Variants in PARVA observed in about 807,000 individuals in gnomAD.
The protein encoded by PARVA is parvin alpha.
In PARVA, 25 loss-of-function variants were observed where a neutral mutation model predicts 52.6. The ratio of observed to expected loss-of-function variants is 0.48; its 90% CI spans 0.35 to 0.66. The LOEUF (loss-of-function observed/expected upper bound fraction) is 0.66. Ranked by LOEUF, PARVA falls within the 30% of genes least tolerant of loss-of-function variation. The pLI, the probability that PARVA is intolerant of heterozygous loss-of-function variation, is 0.01. For synonymous variants in PARVA, 185 were observed against 179.1 expected, an observed-to-expected ratio of 1.03 and a Z score of -0.26; for missense variants, 373 against 450.9, an observed-to-expected ratio of 0.83 and a Z score of 1.56.
At chr11:12,523,533 C>T (rs1471690543) in intron 12 of PARVA, among the ~76,000 whole-genome samples, 2 of 152,204 alleles carry the variant, frequency 1.3e-5, no homozygotes, top group Non-Finnish European at 2.9e-5. Context: ...GAGTTCCTCT[C>T]TTTCCTTTGG....
intron 1 of PARVA, among the ~76,000 whole-genome samples, chr11:12,428,349 AGAG>A (rs1940267694): frequency 6.6e-6 from 1 of 152,222 alleles, no homozygotes; most frequent in Non-Finnish European, 1.5e-5. Context: ...AGAGGAAAGA[AGAG>A]AAGACACAGC....
At chr11:12,378,046 C>G (rs141813134) in intron 1 of PARVA, among the ~76,000 whole-genome samples, 5,639 of 149,990 alleles carry the variant, frequency 0.038, 141 homozygotes, top group African/African-American at 0.08. Flanking sequence ...GGGGACCAGG[C>G]CAACGCCCCC....
At chr11:12,491,149 A>G (rs1171302886) in intron 4 of PARVA, among the ~76,000 whole-genome samples, 2 of 152,168 alleles carry the variant, frequency 1.3e-5, no homozygotes, top group Admixed American at 6.5e-5. Flanking sequence ...CTTGCCAAAT[A>G]CTATATACAA....
intron 1 of PARVA, among the ~76,000 whole-genome samples, chr11:12,435,444 C>G (rs1229195382): frequency 1.3e-5 from 2 of 152,212 alleles, no homozygotes; most frequent in Non-Finnish European, 2.9e-5. Context: ...GTGAAACACA[C>G]AGATGGGTGA....
chr11:12,483,875 A>G (rs1941122324), intron 4 of PARVA, among the ~76,000 whole-genome samples: 1 of 152,182 alleles, frequency 6.6e-6, no homozygotes. Flanking sequence ...GCCCTTTCCA[A>G]ACCTCAGAGC....
At chr11:12,441,474 G>A (rs973667474) in intron 1 of PARVA, among the ~76,000 whole-genome samples, 14 of 151,992 alleles carry the variant, frequency 9.2e-5, no homozygotes, top group Non-Finnish European at 1.5e-4. Context: ...GAATACATTC[G>A]GGGGTAATTG....
In PARVA at chr11:12,453,101, G is replaced by A. The variant is rs1205129938; in HGVS notation, c.137-20644G>A. The A allele has an allele frequency of 8.9e-6, 4 of 451,432 alleles. No homozygotes were observed. The East Asian group carries it at 2.8e-4, about 32-fold the overall frequency. 28.0% of individuals were successfully genotyped at this position (451,432 alleles called of 1,614,324 possible). Reference sequence around the variant, plus strand: ...GATTCTTTGTTGGGGGGGCGCCCTGGCCACCTCCCAGCTCGTCTCTGGGGT... The same window carrying A: ...GATTCTTTGTTGGGGGGGCGCCCTGACCACCTCCCAGCTCGTCTCTGGGGT... On this transcript the variant is annotated intron_variant, in intron 1 of 12. Coordinates refer to ENST00000334956, the MANE Select transcript of PARVA (RefSeq NM_018222.5).
intron 1 of PARVA, among the ~76,000 whole-genome samples, chr11:12,407,752 T>C (rs1589946068): frequency 6.6e-6 from 1 of 152,186 alleles, no homozygotes; most frequent in East Asian, 1.9e-4. Context: ...TGTACATGGC[T>C]CAGCCCTCTT....
chr11:12,510,156 A>G (rs1325304766), intron 7 of PARVA, among the ~76,000 whole-genome samples: 3 of 152,192 alleles, frequency 2.0e-5, no homozygotes, highest in Non-Finnish European at 4.4e-5. Context: ...TGAAGCCATG[A>G]TTACACCCCC....
chr11:12,501,805 G>A (rs1437085608), intron 5 of PARVA, among the ~76,000 whole-genome samples: 7 of 152,196 alleles, frequency 4.6e-5, no homozygotes, highest in Non-Finnish European at 1.0e-4. Flanking sequence ...GAATGAGTCT[G>A]ACATCTATAT....
chr11:12,518,309 G>A (rs1301275614), intron 11 of PARVA, 136 bp from the exon 12 acceptor site: 1 of 668,768 alleles, frequency 1.5e-6, no homozygotes, highest in Non-Finnish European at 2.7e-6. Flanking sequence ...GCCCATTTTG[G>A]TAGCCATATT....
intron 1 of PARVA, among the ~76,000 whole-genome samples, chr11:12,428,389 G>A (rs1478592155): frequency 1.3e-5 from 2 of 152,164 alleles, no homozygotes; most frequent in East Asian, 1.9e-4. Context: ...GCTAACAGTA[G>A]GGCACTCAAT....
At chr11:12,442,867 CTTTT>C (rs66540463) in intron 1 of PARVA, among the ~76,000 whole-genome samples, 1 of 145,198 alleles carries the variant, frequency 6.9e-6, no homozygotes, top group Non-Finnish European at 1.5e-5. Context: ...ACTTGACTTC[CTTTT>C]TTTTTTTTTG....
At position 12,535,181 on chromosome 11, in the gene PARVA, G is replaced by T. The variant is rs1394318891; in HGVS notation, c.*7256G>T. Among the ~76,000 whole-genome samples the T allele has an allele frequency of 6.6e-6, 1 of 152,184 alleles. No homozygotes were observed. Among genetic ancestry groups the T allele is most frequent in the Non-Finnish European group, 1.5e-5 (1 of 68,048 alleles). On this transcript the variant is annotated 3_prime_UTR_variant, in exon 13 of 13. Coordinates refer to ENST00000334956, the MANE Select transcript of PARVA (RefSeq NM_018222.5). ...TCCTCCTAGGCTGCATTGGAATTGTGTGTTGTCTAGACCCATGGCCAAGAC... is the reference window on the plus strand; with the variant it reads ...TCCTCCTAGGCTGCATTGGAATTGTTTGTTGTCTAGACCCATGGCCAAGAC...
At chr11:12,514,224 T>C (rs1432471488) in intron 10 of PARVA, among the ~76,000 whole-genome samples, 159 bp downstream of exon 10, 1 of 152,192 alleles carries the variant, frequency 6.6e-6, no homozygotes, top group Non-Finnish European at 1.5e-5. Context: ...TCTCTGTGGA[T>C]TTTTTCCAAC....
At chr11:12,513,208 C>T in intron 8 of PARVA, 91 bp from the exon 9 acceptor site, 1 of 1,024,834 alleles carries the variant, frequency 9.8e-7, no homozygotes, top group Non-Finnish European at 1.6e-6. Context: ...GACCTTGTGA[C>T]CTTGAGAGGC....
At chr11:12,400,385 T>C (rs1057042538) in intron 1 of PARVA, among the ~76,000 whole-genome samples, 1 of 152,214 alleles carries the variant, frequency 6.6e-6, no homozygotes, top group Non-Finnish European at 1.5e-5. Context: ...TAAAAATATA[T>C]TACTTTGAGT....
At chr11:12,474,904 T>G (rs1353988652) in intron 3 of PARVA, among the ~76,000 whole-genome samples, 1 of 150,672 alleles carries the variant, frequency 6.6e-6, no homozygotes, top group African/African-American at 2.4e-5. Flanking sequence ...AGGCAGAGGT[T>G]GCAGTGAGCC....
At chr11:12,482,757 C>T (rs1035706218) in intron 4 of PARVA, among the ~76,000 whole-genome samples, 1 of 152,134 alleles carries the variant, frequency 6.6e-6, no homozygotes, top group African/African-American at 2.4e-5. Flanking sequence ...AAAGCTTGTG[C>T]AGGGGAACTC....
Sources: allele counts gnomAD v4.1 joint callset (sites outside exome capture counted in the v4.1 genomes callset), GRCh38; gene constraint gnomAD v4.1.1; transcripts MANE v1.5; gene names NCBI Gene and HGNC (gene_info 2026-07-23, HGNC 2026-07-21).